Variants in FAM107B observed in about 807,000 individuals in gnomAD.
The protein encoded by FAM107B is protein FAM107B.
Under a neutral mutation model 31.5 loss-of-function variants are expected in FAM107B, and 21 were observed. That is an observed-to-expected ratio of 0.67 (90% confidence interval 0.47 to 0.96). The LOEUF (loss-of-function observed/expected upper bound fraction) is 0.96. Among genes scored for constraint, FAM107B ranks in the 40% least tolerant of loss-of-function variants. The pLI is 0.00. For missense variants in FAM107B, 452 were observed against 377.1 expected (o/e 1.20, Z -1.64); for synonymous variants, 157 against 141.5 (o/e 1.11, Z -0.78).
intron 1 of FAM107B, among the ~76,000 whole-genome samples, chr10:14,749,114 C>A (rs1414590802): frequency 1.3e-5 from 2 of 152,236 alleles, no homozygotes; most frequent in Non-Finnish European, 1.5e-5. Context: ...CCAGATGAGA[C>A]AATCCAAGGG....
rs1564606700 is a variant in FAM107B at position 14,629,389 on chromosome 10, A to ATTATATATT, written c.469+38244_469+38245insAATATATAA. 1.6e-3 allele frequency among the ~76,000 whole-genome samples: 109 copies of ATTATATATT among 67,440 alleles called. 6 individuals carry two copies. Among genetic ancestry groups the ATTATATATT allele is most frequent in the African/African-American group, 4.1e-3 (62 of 15,242 alleles). 44.2% of individuals were successfully genotyped at this position (67,440 alleles called of 152,430 possible). A position where few individuals can be genotyped will look rare whatever the true frequency, so the allele number is the denominator to read the frequency against. ...TATATATTTAATATATATAATATAT[A>ATTATATATT]TAATATATATTATATATTTAATATA... is the stretch of plus-strand genomic sequence containing the variant. On this transcript the variant is annotated intron_variant, in intron 2 of 4. Transcript: ENST00000181796.
At chr10:14,582,687 T>C (rs978117086) in intron 2 of FAM107B, among the ~76,000 whole-genome samples, 1 of 151,688 alleles carries the variant, frequency 6.6e-6, no homozygotes, top group Non-Finnish European at 1.5e-5. Flanking sequence ...TACCCACATG[T>C]TTTAACGTTG....
intron 2 of FAM107B, among the ~76,000 whole-genome samples, chr10:14,638,379 A>G (rs1853554183): frequency 6.6e-6 from 1 of 152,120 alleles, no homozygotes; most frequent in South Asian, 2.1e-4. Flanking sequence ...TTTCCAGTCA[A>G]AGTAGAAGCA....
intron 2 of FAM107B, among the ~76,000 whole-genome samples, chr10:14,662,083 A>G (rs12218255): frequency 6.6e-6 from 1 of 152,010 alleles, no homozygotes; most frequent in African/African-American, 2.4e-5. Context: ...CCTTCTCCCT[A>G]TGTGGAGTTA....
intron 1 of FAM107B, among the ~76,000 whole-genome samples, chr10:14,668,193 C>T (rs1439556839): frequency 6.6e-6 from 1 of 152,050 alleles, no homozygotes; most frequent in Admixed American, 6.6e-5. Flanking sequence ...AGGCATGCAC[C>T]ACCAGGCCTG....
At chr10:14,593,813 A>G (rs2131348041) in intron 2 of FAM107B, among the ~76,000 whole-genome samples, 1 of 152,330 alleles carries the variant, frequency 6.6e-6, no homozygotes, top group South Asian at 2.1e-4. Flanking sequence ...AATTCTTGGG[A>G]TATACAAAGA....
chr10:14,521,152 C>T lies in FAM107B; in HGVS notation c.*38G>A, dbSNP rs780982296. On this transcript the variant is annotated 3_prime_UTR_variant, in exon 5 of 5. Transcript: ENST00000181796. ...ATTGAGAAGGCACCCACAGACAGCT[C>T]TGTGGGGTGACACACGAGGTCTTGG... 6 of 1,533,080 alleles carry T rather than the reference C, an allele frequency of 3.9e-6. No individual in the cohort carries two copies. In the East Asian group the frequency reaches 1.1e-4, roughly 29 times the overall value. The allele number at this position is 1,533,080 out of a possible 1,614,324, so 95.0% of individuals were successfully genotyped here. A position where few individuals can be genotyped will look rare whatever the true frequency, so the allele number is the denominator to read the frequency against.
rs1855558291 is a variant in FAM107B at position 14,707,977 on chromosome 10, C to T, written c.412-40286G>A. Among the ~76,000 whole-genome samples the T allele has an allele frequency of 2.0e-5, 3 of 152,196 alleles. No homozygotes were observed. In the South Asian group the frequency reaches 6.2e-4, roughly 32 times the overall value. ...TTAAAATAGCTAGGACTGGCCCTGC[C>T]TTCAGCCCCAAATTGTCCTAACAAT... is the stretch of plus-strand genomic sequence containing the variant. On this transcript the variant is annotated intron_variant, in intron 1 of 4. Transcript: ENST00000181796.
rs144538036 is a variant in FAM107B, at chr10:14,550,038, A to G, written c.470-19523T>C. Among the ~76,000 whole-genome samples the G allele has an allele frequency of 1.5e-3, 224 of 152,346 alleles. 1 individual carries two copies. Among genetic ancestry groups the G allele is most frequent in the Non-Finnish European group, 2.3e-3 (157 of 68,036 alleles). ...AGGAGGCTGTTTTAGAAAATATTCAACATTTCAAAAATTCATCTAATTCTG... is the reference window on the plus strand; with the variant it reads ...AGGAGGCTGTTTTAGAAAATATTCAGCATTTCAAAAATTCATCTAATTCTG... On this transcript the variant is annotated intron_variant, in intron 2 of 4. Transcript: ENST00000181796.
intron 2 of FAM107B, among the ~76,000 whole-genome samples, chr10:14,609,062 A>G (rs1003403907): frequency 6.6e-6 from 1 of 152,258 alleles, no homozygotes; most frequent in African/African-American, 2.4e-5. Context: ...TGATAGGTCA[A>G]AGAAAATAGT....
rs145885396 is a variant in FAM107B, at chr10:14,581,392, A to T, written c.470-50877T>A. On this transcript the variant is annotated intron_variant, in intron 2 of 4. Coordinates refer to ENST00000181796, the MANE Select transcript of FAM107B (RefSeq NM_031453.4). ...GAGGGAAGCGGCTGGAACCCGGGTC[A>T]GGCTCAGCCTCAGATGCATTCCACA... is the stretch of plus-strand genomic sequence containing the variant. Among the ~76,000 whole-genome samples, 52 of 152,334 alleles carry T rather than the reference A, an allele frequency of 3.4e-4. 1 individual carries two copies. The East Asian group carries it at 9.8e-3, about 29-fold the overall frequency.
At chr10:14,555,917 A>ACACACACACACAC (rs1435080603) in intron 2 of FAM107B, 1 of 154,752 alleles carries the variant, frequency 6.5e-6, no homozygotes, top group Admixed American at 6.5e-5. Flanking sequence ...ACACACACAC[A>ACACACACACACAC]CACACACACT....
intron 2 of FAM107B, among the ~76,000 whole-genome samples, chr10:14,566,216 A>C (rs533141713): frequency 1.8e-4 from 27 of 152,262 alleles, no homozygotes; most frequent in African/African-American, 6.3e-4. Context: ...TTGAGGAGTG[A>C]AAGGGGAATG....
intron 1 of FAM107B, among the ~76,000 whole-genome samples, chr10:14,699,833 T>C (rs954420476): frequency 6.6e-6 from 1 of 152,222 alleles, no homozygotes; most frequent in Non-Finnish European, 1.5e-5. Context: ...GGATTGTCCA[T>C]CCTGAAGGTT....
At chr10:14,774,073 C>G (rs927463308) in intron 1 of FAM107B, among the ~76,000 whole-genome samples, 180 bp downstream of exon 1, 1 of 151,130 alleles carries the variant, frequency 6.6e-6, no homozygotes, top group Non-Finnish European at 1.5e-5. Context: ...TCATCCACAT[C>G]TTTTGAGAAC....
chr10:14,703,689 G>T (rs868694754), intron 1 of FAM107B, among the ~76,000 whole-genome samples: 2 of 152,202 alleles, frequency 1.3e-5, no homozygotes, highest in Admixed American at 6.5e-5. Flanking sequence ...TTTCAAGAAT[G>T]ACACTGACTC....
At chr10:14,563,865 G>T (rs1850442722) in intron 2 of FAM107B, among the ~76,000 whole-genome samples, 1 of 152,048 alleles carries the variant, frequency 6.6e-6, no homozygotes, top group Admixed American at 6.5e-5. Flanking sequence ...TCACAAAAAT[G>T]GAAAACAATG....
chr10:14,736,732 C>T (rs1191199990), intron 1 of FAM107B, among the ~76,000 whole-genome samples: 1 of 152,158 alleles, frequency 6.6e-6, no homozygotes, highest in Non-Finnish European at 1.5e-5. Flanking sequence ...GGTAAATATT[C>T]CTGGGATTTA....
chr10:14,521,427 C>T (rs1845623651), intron 4 of FAM107B, 121 bp from the exon 5 acceptor site: 5 of 794,634 alleles, frequency 6.3e-6, no homozygotes, highest in South Asian at 1.7e-5. Context: ...CTCTCCTGGT[C>T]CCCCACTTTT....
Sources: allele counts gnomAD v4.1 joint callset (sites outside exome capture counted in the v4.1 genomes callset), GRCh38; gene constraint gnomAD v4.1.1; transcripts MANE v1.5; gene names NCBI Gene and HGNC (gene_info 2026-07-23, HGNC 2026-07-21).